The following SEMA3E variants were observed in gnomAD, a reference collection of about 807,000 sequenced individuals.
The protein encoded by SEMA3E is semaphorin-3E.
A neutral mutation model predicts 93.6 loss-of-function variants in SEMA3E; 49 were observed. The ratio of observed to expected loss-of-function variants is 0.52; its 90% confidence interval spans 0.42 to 0.66. SEMA3E has a LOEUF of 0.66. Among genes scored for constraint, SEMA3E ranks in the 30% least tolerant of loss-of-function variants. The probability of loss-of-function intolerance (pLI) is 0.00; values close to 1 mark genes in which losing one functional copy is unlikely to be tolerated. For synonymous variants in SEMA3E, 363 were observed against 330.7 expected, an observed-to-expected ratio of 1.10 and a Z score of -1.06; for missense variants, 906 against 964.8, an observed-to-expected ratio of 0.94 and a Z score of 0.81.
intron 1 of SEMA3E, among the ~76,000 whole-genome samples, chr7:83,645,363 T>A (rs2115724168): frequency 6.6e-6 from 1 of 152,168 alleles, no homozygotes; most frequent in African/African-American, 2.4e-5. Flanking sequence ...ATTCATGAAC[T>A]TTTAAATATT....
Position 83,560,028 on chromosome 7 carries a change from A to G in SEMA3E, c.116-69754T>C, listed in dbSNP as rs535406179. On this transcript the variant is annotated intron_variant, in intron 1 of 16. Transcript: ENST00000643230. Reference sequence around the variant, plus strand: ...TGGGAAAGGCAAAACAAAGAACACAATAAAAAGATCTATAGTTGCCAGGGA... The same window carrying G: ...TGGGAAAGGCAAAACAAAGAACACAGTAAAAAGATCTATAGTTGCCAGGGA... Among the ~76,000 whole-genome samples the G allele has an allele frequency of 2.5e-4, 38 of 152,036 alleles. 1 individual carries two copies. Among genetic ancestry groups the G allele is most frequent in the Non-Finnish European group, 5.0e-4 (34 of 67,948 alleles).
chr7:83,448,164 C>A (rs1789274524), intron 4 of SEMA3E, among the ~76,000 whole-genome samples: 1 of 152,046 alleles, frequency 6.6e-6, no homozygotes. Flanking sequence ...TTTAATTAGC[C>A]CACCAAATTT....
At chr7:83,437,524 C>T (rs1789029722) in intron 4 of SEMA3E, among the ~76,000 whole-genome samples, 1 of 151,862 alleles carries the variant, frequency 6.6e-6, no homozygotes, top group South Asian at 2.1e-4. Flanking sequence ...GGCTTTCTTT[C>T]TTATTTTAAA....
At chr7:83,503,191 G>A (rs950232384) in intron 1 of SEMA3E, among the ~76,000 whole-genome samples, 1 of 152,042 alleles carries the variant, frequency 6.6e-6, no homozygotes, top group Non-Finnish European at 1.5e-5. Context: ...ACTGTGATCA[G>A]TGTAAACAGC....
At chr7:83,648,370 CT>C in intron 1 of SEMA3E, 57 bp downstream of exon 1, 1 of 1,317,448 alleles carries the variant, frequency 7.6e-7, no homozygotes, top group East Asian at 2.4e-5. Context: ...CTTTTTTTTT[CT>C]TTTTTCTTTT....
chr7:83,403,152 TC>T (rs1788263578), intron 9 of SEMA3E, among the ~76,000 whole-genome samples: 1 of 152,032 alleles, frequency 6.6e-6, no homozygotes, highest in South Asian at 2.1e-4. Context: ...TTTATGTTGT[TC>T]TATTTTCAAA....
At chr7:83,621,878 C>T (rs1411970252) in intron 1 of SEMA3E, among the ~76,000 whole-genome samples, 1 of 152,120 alleles carries the variant, frequency 6.6e-6, no homozygotes, top group East Asian at 1.9e-4. Flanking sequence ...AAACCCATAA[C>T]TATAAAAACC....
intron 5 of SEMA3E, 73 bp from the exon 6 acceptor site, chr7:83,408,560 A>G: frequency 7.0e-7 from 1 of 1,426,672 alleles, no homozygotes; most frequent in South Asian, 1.2e-5. Flanking sequence ...ATCCAAATTT[A>G]ATATGTGTAT....
rs1224861286 is a variant in SEMA3E at position 83,639,144 on chromosome 7, A to G, written c.115+9284T>C. ...AAAAAAAAAAAAAAAAAAAAAACAG[A>G]GATTCCTGAGCCTCAGAATTATTGA... is the stretch of plus-strand genomic sequence containing the variant. On this transcript the variant is annotated intron_variant, in intron 1 of 16. Transcript: ENST00000643230. Among the ~76,000 whole-genome samples the G allele has an allele frequency of 5.9e-5, 8 of 135,328 alleles. No individual in the cohort carries two copies. In the Admixed American group the frequency reaches 6.2e-4, roughly 11 times the overall value. The allele number at this position is 135,328 out of a possible 152,430, so 88.8% of individuals were successfully genotyped here.
intron 1 of SEMA3E, among the ~76,000 whole-genome samples, chr7:83,648,052 T>C (rs1476967064): frequency 6.6e-6 from 1 of 152,192 alleles, no homozygotes; most frequent in Non-Finnish European, 1.5e-5. Context: ...GTTTCTCATA[T>C]GCATAAACTG....
chr7:83,401,001 C>T (rs1788224521), intron 10 of SEMA3E, among the ~76,000 whole-genome samples: 1 of 151,814 alleles, frequency 6.6e-6, no homozygotes, highest in African/African-American at 2.4e-5. Flanking sequence ...AGTGGTTCAA[C>T]AAAAAAACCT....
chr7:83,547,052 T>C (rs572388416), intron 1 of SEMA3E, among the ~76,000 whole-genome samples: 17 of 152,142 alleles, frequency 1.1e-4, no homozygotes, highest in South Asian at 4.1e-4. Flanking sequence ...TAAGCTGTCT[T>C]TCCTAAAATG....
At chr7:83,434,009 G>A (rs1277779466) in intron 4 of SEMA3E, among the ~76,000 whole-genome samples, 1 of 151,874 alleles carries the variant, frequency 6.6e-6, no homozygotes, top group African/African-American at 2.4e-5. Flanking sequence ...TATTTATGAA[G>A]AAATTCATTA....
intron 1 of SEMA3E, among the ~76,000 whole-genome samples, chr7:83,602,627 G>A (rs1171575020): frequency 3.9e-5 from 6 of 151,916 alleles, no homozygotes; most frequent in Non-Finnish European, 5.9e-5. Flanking sequence ...ACAGGCATGC[G>A]CCATCACACC....
intron 1 of SEMA3E, among the ~76,000 whole-genome samples, chr7:83,531,872 T>C (rs1358820921): frequency 6.6e-6 from 1 of 152,206 alleles, no homozygotes; most frequent in Non-Finnish European, 1.5e-5. Context: ...TCTGATTAAT[T>C]TGAACCACAT....
chr7:83,546,192 T>A (rs7783625), intron 1 of SEMA3E, among the ~76,000 whole-genome samples: 49,352 of 148,998 alleles, frequency 0.33, 10,009 homozygotes, highest in African/African-American at 0.57. Context: ...CTTATAATGT[T>A]CCACTAAAAC....
chr7:83,391,189 C>T (rs542729461), intron 14 of SEMA3E, among the ~76,000 whole-genome samples: 1 of 152,208 alleles, frequency 6.6e-6, no homozygotes, highest in Admixed American at 6.5e-5. Flanking sequence ...TCTTATATCT[C>T]TACCTTCAAG....
At chr7:83,455,712 T>C (rs761913718) in intron 4 of SEMA3E, among the ~76,000 whole-genome samples, 1 of 152,224 alleles carries the variant, frequency 6.6e-6, no homozygotes, top group Non-Finnish European at 1.5e-5. Context: ...CTTAGTAAAC[T>C]GAACAGAAAG....
At chr7:83,461,321 T>C (rs1055383916) in intron 4 of SEMA3E, among the ~76,000 whole-genome samples, 1 of 152,154 alleles carries the variant, frequency 6.6e-6, no homozygotes, top group African/African-American at 2.4e-5. Flanking sequence ...CAGACCAATC[T>C]GACCTCTCCC....
Sources: allele counts gnomAD v4.1 joint callset (sites outside exome capture counted in the v4.1 genomes callset), GRCh38; gene constraint gnomAD v4.1.1; transcripts MANE v1.5; gene names NCBI Gene and HGNC (gene_info 2026-07-23, HGNC 2026-07-21).